The following FAM133B variants were observed in gnomAD, a reference collection of about 807,000 sequenced individuals.
The protein encoded by FAM133B is protein FAM133B.
In FAM133B, 25 loss-of-function variants were observed where a neutral mutation model predicts 46.4. That is an observed-to-expected ratio of 0.54 (90% CI 0.39 to 0.75). The LOEUF (loss-of-function observed/expected upper bound fraction) is 0.75, where lower values mean the gene tolerates loss of function less well. FAM133B is among the 30% of genes least tolerant of loss of function. The probability of loss-of-function intolerance (pLI) is 0.00; values close to 1 mark genes in which losing one functional copy is unlikely to be tolerated. For missense variants in FAM133B, 205 were observed against 277.6 expected, an observed-to-expected ratio of 0.74 and a Z score of 1.86; for synonymous variants, 75 against 86.0, an observed-to-expected ratio of 0.87 and a Z score of 0.71.
Position 92,566,030 on chromosome 7 carries a change from T to G in FAM133B, c.641A>C (p.Glu214Ala). The G allele has an allele frequency of 6.2e-7, 1 of 1,613,912 alleles. No homozygotes were observed. Among genetic ancestry groups the G allele is most frequent in the African/African-American group, 1.3e-5 (1 of 75,068 alleles). ...VRAKKKKSSE[E>A]REKATEKTKK... ...GATACTTGCTGTTGCTTTTTCTCGT[T>G]CTTCACTGCTTTTCTTCTTTTTTGC... is the stretch of plus-strand genomic sequence containing the variant. The change falls in exon 10 of 11, where the codon GAA becomes GCA. Residue 214 changes from glutamate (E) to alanine (A), a missense_variant. Glu to Ala is a moderately radical substitution (Grantham distance 107). Coordinates refer to ENST00000445716, the MANE Select transcript of FAM133B (RefSeq NM_152789.4).
chr7:92,590,230 C>T (rs1189103239), intron 1 of FAM133B, 38 bp downstream of exon 1: 1 of 1,613,418 alleles, frequency 6.2e-7, no homozygotes, highest in Non-Finnish European at 8.5e-7. Flanking sequence ...GCCGCCGGGC[C>T]CTGCGTCGCC....
intron 9 of FAM133B, among the ~76,000 whole-genome samples, chr7:92,568,637 G>C (rs1229753121): frequency 6.6e-6 from 1 of 151,782 alleles, no homozygotes; most frequent in Middle Eastern, 3.2e-3. Flanking sequence ...CAAAGTGCTG[G>C]GATTATAAGC....
chr7:92,565,815 G>A (rs1360324072), intron 10 of FAM133B, 199 bp downstream of exon 10: 1 of 591,986 alleles, frequency 1.7e-6, no homozygotes, highest in Non-Finnish European at 3.0e-6. Context: ...GGACATGCTT[G>A]CTACCAGGGT....
chr7:92,571,252 A>G (rs1171553774), intron 8 of FAM133B, among the ~76,000 whole-genome samples: 1 of 152,202 alleles, frequency 6.6e-6, no homozygotes, highest in African/African-American at 2.4e-5. Context: ...TTTACCAAGA[A>G]GCCTCCCTCT....
At chr7:92,579,020 G>T in intron 3 of FAM133B, 1 of 273,516 alleles carries the variant, frequency 3.7e-6, no homozygotes, top group Non-Finnish European at 6.8e-6. Context: ...TACATTACAA[G>T]ATGATTCTTC....
intron 1 of FAM133B, chr7:92,585,283 T>A: frequency 4.0e-6 from 3 of 755,742 alleles, no homozygotes; most frequent in Non-Finnish European, 4.8e-6. Flanking sequence ...AGAATCTTTT[T>A]CTTGCTCAAA....
intron 1 of FAM133B, among the ~76,000 whole-genome samples, chr7:92,588,850 A>T (rs1363855992): frequency 6.6e-6 from 1 of 152,070 alleles, no homozygotes; most frequent in Non-Finnish European, 1.5e-5. Context: ...GCCATGTAAG[A>T]CGCCTGCTCC....
At chr7:92,574,079 TATACCC>T (rs1361500007) in intron 8 of FAM133B, among the ~76,000 whole-genome samples, 2 of 152,180 alleles carry the variant, frequency 1.3e-5, no homozygotes, top group Non-Finnish European at 2.9e-5. Flanking sequence ...CTCCTAGGCA[TATACCC>T]AAGAGAAATG....
intron 8 of FAM133B, among the ~76,000 whole-genome samples, chr7:92,572,734 A>C (rs1392067845): frequency 6.6e-6 from 1 of 152,236 alleles, no homozygotes; most frequent in African/African-American, 2.4e-5. Flanking sequence ...ACAAAAAAAC[A>C]AAAAACAGTA....
At chr7:92,574,394 G>A (rs1211982691) in intron 8 of FAM133B, among the ~76,000 whole-genome samples, 1 of 152,198 alleles carries the variant, frequency 6.6e-6, no homozygotes, top group African/African-American at 2.4e-5. Flanking sequence ...ATACCCATTA[G>A]AGGTTACTAG....
chr7:92,587,561 T>C (rs916101953), intron 1 of FAM133B, among the ~76,000 whole-genome samples: 2 of 151,926 alleles, frequency 1.3e-5, no homozygotes, highest in Admixed American at 1.3e-4. Flanking sequence ...TGAAACCCCA[T>C]CTCTACAAAA....
rs1794885059 is a variant in FAM133B, at chr7:92,581,820, G to C, written c.25-217C>G. 5 of 448,434 alleles carry C rather than the reference G, an allele frequency of 1.1e-5. No individual in the cohort carries two copies. In the South Asian group the frequency reaches 1.4e-4, roughly 12 times the overall value. 27.8% of individuals were successfully genotyped at this position (448,434 alleles called of 1,614,324 possible). On this transcript the variant is annotated intron_variant, in intron 1 of 10. Coordinates refer to ENST00000445716, the MANE Select transcript of FAM133B (RefSeq NM_152789.4). ...TGTGTGTGTGTGTGTGTGTGTGTGT[G>C]TGTGTGTGTGTGTTTTACAAGAGAT... is the stretch of plus-strand genomic sequence containing the variant.
At chr7:92,588,075 T>G (rs1344118663) in intron 1 of FAM133B, among the ~76,000 whole-genome samples, 7 of 152,182 alleles carry the variant, frequency 4.6e-5, no homozygotes, top group African/African-American at 1.7e-4. Context: ...TTACCCCTCC[T>G]CTATGCAATG....
At position 92,587,025 on chromosome 7, in the gene FAM133B, T is replaced by C. The variant is rs151186053; in HGVS notation, c.24+3243A>G. 2.4e-3 allele frequency among the ~76,000 whole-genome samples: 359 copies of C among 152,314 alleles called. 4 individuals carry two copies. The highest frequency in any genetic ancestry group is 7.0e-3 in the African/African-American group (293 of 41,562). On this transcript the variant is annotated intron_variant, in intron 1 of 10. Transcript: ENST00000445716. ...ATGTAGGTTCATGAAATGTAACAAA[T>C]GTACCACCCTGCTGGTGCTGGCGAA...
intron 10 of FAM133B, among the ~76,000 whole-genome samples, chr7:92,563,015 A>G (rs1794206576): frequency 6.6e-6 from 1 of 152,190 alleles, no homozygotes; most frequent in South Asian, 2.1e-4. Flanking sequence ...GATTGAAGGG[A>G]GCTGGAGTTT....
chr7:92,586,818 G>C (rs1210159223), intron 1 of FAM133B, among the ~76,000 whole-genome samples: 1 of 152,192 alleles, frequency 6.6e-6, no homozygotes, highest in Admixed American at 6.5e-5. Context: ...AGGTCCCAAA[G>C]TAGCAGAAAA....
In FAM133B at chr7:92,590,089, A is replaced by T. The variant is rs1795154063; in HGVS notation, c.24+179T>A. ...GGGCAAGAGAGAGCTGGGAACCCTA[A>T]AGCGCCAACTGCGTGCGCGGCGCAC... On this transcript the variant is annotated intron_variant, in intron 1 of 10. Coordinates refer to ENST00000445716, the MANE Select transcript of FAM133B (RefSeq NM_152789.4). The T allele has an allele frequency of 1.7e-5, 14 of 804,582 alleles. 1 individual carries two copies. The South Asian group carries it at 2.3e-4, about 13-fold the overall frequency. The allele number at this position is 804,582 out of a possible 1,614,324, so 49.8% of individuals were successfully genotyped here.
rs1292841571 is a variant in FAM133B, at chr7:92,562,559, A to G, written c.658-191T>C. 2.6e-5 allele frequency among the ~76,000 whole-genome samples: 4 copies of G among 152,342 alleles called. 1 individual carries two copies. The East Asian group carries it at 5.8e-4, about 22-fold the overall frequency. Reference sequence around the variant, plus strand: ...CTAAAACAGTTCTTGTCGATTTTCAAAAAGATAGGGAGAAACTCTTAAGTC... The same window carrying G: ...CTAAAACAGTTCTTGTCGATTTTCAGAAAGATAGGGAGAAACTCTTAAGTC... On this transcript the variant is annotated intron_variant, in intron 10 of 10. Transcript: ENST00000445716.
At chr7:92,578,923 A>G (rs1169200239) in intron 3 of FAM133B, among the ~76,000 whole-genome samples, 2 of 152,090 alleles carry the variant, frequency 1.3e-5, no homozygotes, top group African/African-American at 2.4e-5. Context: ...GTGGCCTGCA[A>G]CTGTGGTCCC....
Sources: gnomAD v4.1 joint callset for allele counts (sites outside exome capture counted in the v4.1 genomes callset) on GRCh38, gnomAD v4.1.1 for gene constraint, MANE v1.5 for transcripts, NCBI Gene and HGNC (gene_info 2026-07-23, HGNC 2026-07-21) for gene names.